The following NCOR2 variants were observed in gnomAD, a reference collection of about 807,000 sequenced individuals.
NCOR2 encodes nuclear receptor corepressor 2, also known as CTG repeat protein 26.
A neutral mutation model predicts 262.9 loss-of-function variants in NCOR2; 81 were observed. The ratio of observed to expected loss-of-function variants is 0.31; its 90% CI spans 0.26 to 0.37. The LOEUF (loss-of-function observed/expected upper bound fraction) is 0.37. NCOR2 is among the 10% of genes least tolerant of loss of function. NCOR2 has a pLI of 1.00. For missense variants in NCOR2, 3,385 were observed against 3,621.4 expected (o/e 0.93, Z 1.68); for synonymous variants, 1,659 against 1,559.3 (o/e 1.06, Z -1.51).
At chr12:124,355,220 G>T in intron 24 of NCOR2, 1 of 641,124 alleles carries the variant, frequency 1.6e-6, no homozygotes, top group Non-Finnish European at 2.7e-6. Flanking sequence ...TGGTTCCTGA[G>T]CCATGCCCTT....
chr12:124,359,612 C>A (rs952216008), intron 22 of NCOR2, among the ~76,000 whole-genome samples: 1 of 152,252 alleles, frequency 6.6e-6, no homozygotes, highest in Admixed American at 6.5e-5. Flanking sequence ...TGGACCTGGC[C>A]CCTCTGGCTA....
chr12:124,487,637 G>T (rs1373637395), intron 1 of NCOR2, among the ~76,000 whole-genome samples: 5 of 152,246 alleles, frequency 3.3e-5, no homozygotes, highest in Non-Finnish European at 7.3e-5. Flanking sequence ...GCTAGGCTAT[G>T]AGGCCCCAGC....
chr12:124,511,845 G>A (rs940225077), intron 1 of NCOR2, among the ~76,000 whole-genome samples: 20 of 152,188 alleles, frequency 1.3e-4, no homozygotes, highest in African/African-American at 4.6e-4. Context: ...GACTGGCGTC[G>A]CCAGCTGTGT....
chr12:124,546,579 T>A (rs2051551712), intron 1 of NCOR2, among the ~76,000 whole-genome samples: 1 of 152,138 alleles, frequency 6.6e-6, no homozygotes, highest in African/African-American at 2.4e-5. Context: ...CACGCTCAGC[T>A]AATTTTTGTA....
chr12:124,413,799 A>G (rs2042716943), intron 13 of NCOR2, among the ~76,000 whole-genome samples: 1 of 152,094 alleles, frequency 6.6e-6, no homozygotes, highest in South Asian at 2.1e-4. Flanking sequence ...GCAACTCCCC[A>G]AAGACATATA....
chr12:124,389,341 G>A lies in NCOR2; in HGVS notation c.1877-3454C>T, dbSNP rs551659632. ...GCAGGACTGAATGTGACCTCCAGAC[G>A]GAGGCTCGCGGCGGGCGGGCAGGCG... On this transcript the variant is annotated intron_variant, in intron 16 of 46. Coordinates refer to ENST00000405201, the Ensembl canonical transcript of NCOR2. This position sits in a 1 kb window ranked among gnomAD's most constrained non-coding sequence, Gnocchi z 4.4. Among the ~76,000 whole-genome samples the A allele has an allele frequency of 2.4e-4, 36 of 152,318 alleles. No individual in the cohort carries two copies. The highest frequency in any genetic ancestry group is 6.0e-4 in the African/African-American group (25 of 41,570).
At chr12:124,403,035 TGA>T in intron 13 of NCOR2, among the ~76,000 whole-genome samples, 1 of 152,260 alleles carries the variant, frequency 6.6e-6, no homozygotes, top group East Asian at 1.9e-4. Flanking sequence ...TGATCTGGGT[TGA>T]GAGAGGTGCC....
exon 4 of NCOR2, chr12:124,473,095 G>A (rs780684804): frequency 6.2e-7 from 1 of 1,613,986 alleles, no homozygotes; most frequent in East Asian, 2.2e-5. Context: ...GGGCTGGGGG[G>A]AGACACCGGT....
At chr12:124,360,677 C>A (rs2038498983) in intron 22 of NCOR2, among the ~76,000 whole-genome samples, 2 of 151,756 alleles carry the variant, frequency 1.3e-5, no homozygotes, top group Middle Eastern at 6.8e-3. Context: ...TCCCTGGCCA[C>A]AACCACCCCC....
At chr12:124,479,568 C>A (rs946032753) in intron 3 of NCOR2, among the ~76,000 whole-genome samples, 1 of 152,224 alleles carries the variant, frequency 6.6e-6, no homozygotes, top group Non-Finnish European at 1.5e-5. Flanking sequence ...CGCACACACA[C>A]GCACGCGCGC....
intron 16 of NCOR2, among the ~76,000 whole-genome samples, chr12:124,390,469 T>TCCAAAGTGACCCCCCC (rs2041215784): frequency 1.1e-5 from 1 of 93,498 alleles, no homozygotes; most frequent in Non-Finnish European, 2.2e-5. Flanking sequence ...TGCCCGCCCC[T>TCCAAAGTGACCCCCCC]CCAAAGTGAC....
At chr12:124,405,955 C>T (rs79515292) in intron 13 of NCOR2, among the ~76,000 whole-genome samples, 2,047 of 152,280 alleles carry the variant, frequency 0.013, 41 homozygotes, top group African/African-American at 0.045. Context: ...ACTCAGATCT[C>T]GTGGGGAGCC....
chr12:124,457,326 G>A lies in NCOR2; in HGVS notation c.706-164C>T, dbSNP rs531391226. Among the ~76,000 whole-genome samples the A allele has an allele frequency of 2.6e-5, 4 of 151,346 alleles. No individual in the cohort carries two copies. The highest frequency in any genetic ancestry group is 4.2e-4 in the South Asian group (2 of 4,778). ...GGGGCCCCCTGCAGGCCCTCCCCACGCTGGAAAAAAACACAGAGGAGCCTC... is the reference window on the plus strand; with the variant it reads ...GGGGCCCCCTGCAGGCCCTCCCCACACTGGAAAAAAACACAGAGGAGCCTC... On this transcript the variant is annotated intron_variant, in intron 5 of 46. Coordinates refer to ENST00000405201, the Ensembl canonical transcript of NCOR2. This position sits in a 1 kb window ranked among gnomAD's most constrained non-coding sequence, Gnocchi z 4.0.
At chr12:124,347,657 A>C (rs1593155195) in intron 30 of NCOR2, 168 bp downstream of exon 32, 1 of 644,862 alleles carries the variant, frequency 1.6e-6, no homozygotes, top group East Asian at 2.8e-5. Flanking sequence ...TAAGTAAGAG[A>C]CACCCTTGCT....
chr12:124,526,474 G>A (rs573249799), intron 1 of NCOR2, among the ~76,000 whole-genome samples: 6 of 152,184 alleles, frequency 3.9e-5, no homozygotes, highest in Non-Finnish European at 5.9e-5. Context: ...CTGGAGTCTG[G>A]AGATATGGAG....
At chr12:124,521,274 AAG>A in intron 1 of NCOR2, among the ~76,000 whole-genome samples, 1 of 152,320 alleles carries the variant, frequency 6.6e-6, no homozygotes, top group Non-Finnish European at 1.5e-5. Context: ...GGGCAGGAGA[AAG>A]AGACAGCACC....
intron 42 of NCOR2, 132 bp from the exon 45 acceptor site, chr12:124,332,599 C>T (rs539274390): frequency 7.0e-5 from 81 of 1,150,032 alleles, no homozygotes; most frequent in Non-Finnish European, 1.0e-4. Flanking sequence ...GCCTGCATCC[C>T]CTGCCTGGTA....
intron 1 of NCOR2, among the ~76,000 whole-genome samples, chr12:124,522,849 T>C (rs187078491): frequency 6.6e-6 from 1 of 152,198 alleles, no homozygotes; most frequent in Non-Finnish European, 1.5e-5. Flanking sequence ...GAAACAGACC[T>C]GAGAGATCCC....
At chr12:124,419,593 C>T (rs189717229) in intron 13 of NCOR2, among the ~76,000 whole-genome samples, 3 of 152,338 alleles carry the variant, frequency 2.0e-5, no homozygotes, top group Admixed American at 2.0e-4. Context: ...GTGAACTACC[C>T]CAAGTCATCC....
Sources: gnomAD v4.1 joint callset for allele counts (sites outside exome capture counted in the v4.1 genomes callset) on GRCh38, gnomAD v4.1.1 for gene constraint, Gnocchi (gnomAD v3.1) non-coding constraint, MANE v1.5 for transcripts, NCBI Gene and HGNC (gene_info 2026-07-23, HGNC 2026-07-21) for gene names.